CDK14: variants seen among roughly 807,000 people sequenced by gnomAD.
CDK14 encodes the protein cyclin dependent kinase 14.
CDK14 carries 34 observed loss-of-function variants against 60.7 expected under a neutral mutation model. The observed-to-expected ratio is 0.56, with a 90% CI of 0.43 to 0.75. CDK14 has a LOEUF of 0.75. Among genes scored for constraint, CDK14 ranks in the 30% least tolerant of loss-of-function variants. CDK14 has a pLI of 0.00. For missense variants in CDK14, 482 were observed against 564.1 expected, an observed-to-expected ratio of 0.85 and a Z score of 1.47; for synonymous variants, 197 against 203.7, an observed-to-expected ratio of 0.97 and a Z score of 0.28.
At chr7:91,016,081 C>T (rs898969557) in intron 10 of CDK14, among the ~76,000 whole-genome samples, 1 of 152,032 alleles carries the variant, frequency 6.6e-6, no homozygotes, top group South Asian at 2.1e-4. Flanking sequence ...TAAATAGATC[C>T]CTGCTGCTAA....
At chr7:90,721,580 C>A (rs952753690) in intron 2 of CDK14, among the ~76,000 whole-genome samples, 5 of 152,140 alleles carry the variant, frequency 3.3e-5, no homozygotes, top group Non-Finnish European at 7.4e-5. Context: ...CTGGATGTTT[C>A]CTGGCTCTTT....
chr7:90,778,139 A>G (rs1805126391), intron 4 of CDK14, among the ~76,000 whole-genome samples: 1 of 152,304 alleles, frequency 6.6e-6, no homozygotes, highest in East Asian at 1.9e-4. Context: ...CATAAATACC[A>G]ATGCTTCCTT....
At chr7:91,186,810 C>T (rs927912393) in intron 14 of CDK14, among the ~76,000 whole-genome samples, 3 of 152,130 alleles carry the variant, frequency 2.0e-5, no homozygotes, top group Admixed American at 1.3e-4. Flanking sequence ...ACATCAAGTA[C>T]TGGGCTGTTG....
intron 8 of CDK14, among the ~76,000 whole-genome samples, chr7:90,927,500 T>C (rs181581905): frequency 3.5e-4 from 54 of 152,296 alleles, no homozygotes; most frequent in Admixed American, 1.0e-3. Context: ...AAATATTTCT[T>C]ACTAAATCAC....
At chr7:90,773,106 A>T (rs1472508031) in intron 4 of CDK14, among the ~76,000 whole-genome samples, 3 of 152,032 alleles carry the variant, frequency 2.0e-5, no homozygotes, top group Non-Finnish European at 2.9e-5. Flanking sequence ...TTAGTTGAAA[A>T]CCTCCAAGAA....
chr7:90,849,200 A>ATTTTATTTTTCTTGTTCATGCATGC (rs1562797399), intron 5 of CDK14, among the ~76,000 whole-genome samples: 1 of 151,944 alleles, frequency 6.6e-6, no homozygotes, highest in African/African-American at 2.4e-5. Flanking sequence ...TTTAAAAAGG[A>ATTTTATTTTTCTTGTTCATGCATGC]GCCTGATACC....
chr7:91,006,629 T>A (rs541912429), intron 10 of CDK14, among the ~76,000 whole-genome samples: 1 of 152,370 alleles, frequency 6.6e-6, no homozygotes, highest in African/African-American at 2.4e-5. Flanking sequence ...TGGAAATATG[T>A]AAATTTAAAA....
At chr7:91,200,367 A>C (rs1434705441) in intron 14 of CDK14, among the ~76,000 whole-genome samples, 1 of 152,210 alleles carries the variant, frequency 6.6e-6, no homozygotes, top group Non-Finnish European at 1.5e-5. Context: ...GTGTGAACTT[A>C]ATTCTCTATA....
At chr7:91,010,333 A>C (rs779277784) in intron 10 of CDK14, among the ~76,000 whole-genome samples, 4 of 152,096 alleles carry the variant, frequency 2.6e-5, no homozygotes, top group Non-Finnish European at 5.9e-5. Context: ...GATTATATTG[A>C]ATTTATAGAT....
chr7:91,206,702 G>A lies in CDK14; in HGVS notation c.*29-463G>A, dbSNP rs78480969. On this transcript the variant is annotated intron_variant, in intron 14 of 14. Transcript: ENST00000380050. ...GCTGGAACTGAAATAATGATAATAG[G>A]CAACCAAGGAATTATATACAGCTGA... Among the ~76,000 whole-genome samples, 1,119 of 152,210 alleles carry A rather than the reference G, an allele frequency of 7.4e-3. 11 individuals carry two copies. Among genetic ancestry groups the A allele is most frequent in the African/African-American group, 0.025 (1,058 of 41,512 alleles).
intron 5 of CDK14, among the ~76,000 whole-genome samples, chr7:90,804,209 C>A (rs542416782): frequency 2.6e-4 from 40 of 152,172 alleles, no homozygotes; most frequent in Non-Finnish European, 4.9e-4. Context: ...GCTATGTGAT[C>A]ATAAGCAAGT....
rs1395363719 is a variant in CDK14 at position 91,209,585 on chromosome 7, C to G, written c.*2449C>G. On this transcript the variant is annotated 3_prime_UTR_variant, in exon 15 of 15. Coordinates refer to ENST00000380050, the MANE Select transcript of CDK14 (RefSeq NM_001287135.2). ...CAGATTTATTATTCTATTGAGAAAG[C>G]ACTGGAATGTTTTGTGAGATTATTT... is the stretch of plus-strand genomic sequence containing the variant. 6.6e-6 allele frequency: 1 copy of G among 152,592 alleles called. No individual in the cohort carries two copies. Among genetic ancestry groups the G allele is most frequent in the African/African-American group, 2.4e-5 (1 of 41,414 alleles). 9.5% of individuals were successfully genotyped at this position (152,592 alleles called of 1,614,324 possible).
chr7:91,116,682 A>C (rs958003515), intron 13 of CDK14, among the ~76,000 whole-genome samples: 1 of 152,116 alleles, frequency 6.6e-6, no homozygotes, highest in Admixed American at 6.6e-5. Flanking sequence ...TTTTGTGTCC[A>C]CAACGCCTGG....
At chr7:90,970,149 A>G (rs1216972016) in intron 9 of CDK14, among the ~76,000 whole-genome samples, 3 of 152,012 alleles carry the variant, frequency 2.0e-5, no homozygotes, top group Non-Finnish European at 4.4e-5. Context: ...TATTTTTAGT[A>G]GAGACAGGGC....
At chr7:90,706,875 G>T (rs538723014) in intron 2 of CDK14, among the ~76,000 whole-genome samples, 35 of 152,136 alleles carry the variant, frequency 2.3e-4, no homozygotes, top group South Asian at 4.1e-4. Context: ...TGACTGATCA[G>T]CCCAGGGATA....
At chr7:90,987,003 AG>A (rs1393861757) in intron 10 of CDK14, among the ~76,000 whole-genome samples, 1 of 134,392 alleles carries the variant, frequency 7.4e-6, no homozygotes, top group Non-Finnish European at 1.6e-5. Context: ...ATAAAGGAAA[AG>A]AAATTGTTAT....
At chr7:90,790,985 A>T (rs1805807581) in intron 5 of CDK14, among the ~76,000 whole-genome samples, 2 of 152,158 alleles carry the variant, frequency 1.3e-5, no homozygotes, top group South Asian at 4.1e-4. Context: ...CGTATTGATG[A>T]TTTTTAAGGA....
At chr7:90,862,004 C>G (rs1791025398) in intron 5 of CDK14, among the ~76,000 whole-genome samples, 1 of 151,950 alleles carries the variant, frequency 6.6e-6, no homozygotes, top group Admixed American at 6.6e-5. Context: ...AACAAACAAG[C>G]CTACCTTTAG....
intron 4 of CDK14, among the ~76,000 whole-genome samples, chr7:90,777,901 G>A (rs774886032): frequency 7.2e-5 from 11 of 152,158 alleles, no homozygotes; most frequent in Non-Finnish European, 1.5e-4. Flanking sequence ...CAAGTATCAT[G>A]TTTCTTAATG....
Sources: allele counts gnomAD v4.1 joint callset (sites outside exome capture counted in the v4.1 genomes callset), GRCh38; gene constraint gnomAD v4.1.1; transcripts MANE v1.5; gene names NCBI Gene and HGNC (gene_info 2026-07-23, HGNC 2026-07-21).